MOSPD1: variants seen among roughly 807,000 people sequenced by gnomAD.
MOSPD1 encodes motile sperm domain-containing protein 1.
In MOSPD1, 5 loss-of-function variants were observed where a neutral mutation model predicts 16.7. That is an observed-to-expected ratio of 0.30 (90% CI 0.16 to 0.63). MOSPD1 has a LOEUF of 0.63. Among genes scored for constraint, MOSPD1 ranks in the 30% least tolerant of loss-of-function variants. The pLI, the probability that MOSPD1 is intolerant of heterozygous loss-of-function variation, is 0.82. For synonymous variants in MOSPD1, 67 were observed against 59.2 expected (o/e 1.13, Z -0.61); for missense variants, 104 against 153.6 (o/e 0.68, Z 1.71).
chrX:134,904,995 T>A (rs2082933938), intron 1 of MOSPD1, among the ~76,000 whole-genome samples: 1 of 111,536 alleles, frequency 9.0e-6, no homozygotes, highest in Non-Finnish European at 1.9e-5. Context: ...TGGACTGATC[T>A]TCAAGTGGTA....
intron 1 of MOSPD1, among the ~76,000 whole-genome samples, chrX:134,914,966 C>A (rs2082990676): frequency 8.9e-6 from 1 of 112,657 alleles, no homozygotes; most frequent in Non-Finnish European, 1.9e-5. Context: ...GGCGGCGGAG[C>A]CACCGCCAGT....
At chrX:134,897,600 T>C (rs1230936146) in intron 3 of MOSPD1, among the ~76,000 whole-genome samples, 1 of 73,777 alleles carries the variant, frequency 1.4e-5, no homozygotes, top group East Asian at 8.6e-4. Context: ...AGCAATCACA[T>C]TTTTTTTTTT....
At chrX:134,911,539 T>C (rs1166632383) in intron 1 of MOSPD1, among the ~76,000 whole-genome samples, 2 of 112,450 alleles carry the variant, frequency 1.8e-5, no homozygotes, top group Admixed American at 9.5e-5. Flanking sequence ...AGCAAGTTCT[T>C]TGTGTTTCCA....
chrX:134,889,664 C>T (rs927175785), intron 5 of MOSPD1, among the ~76,000 whole-genome samples: 1 of 104,727 alleles, frequency 9.5e-6, no homozygotes, highest in African/African-American at 3.4e-5. Context: ...TATGCTCAGT[C>T]CTAAATGAAG....
intron 1 of MOSPD1, among the ~76,000 whole-genome samples, chrX:134,906,109 A>C (rs1455037679): frequency 9.2e-6 from 1 of 109,260 alleles, no homozygotes; most frequent in Non-Finnish European, 1.9e-5. Context: ...ACTATAAAAG[A>C]AGTGTTTAAT....
chrX:134,909,684 C>T (rs896420742), intron 1 of MOSPD1, among the ~76,000 whole-genome samples: 2 of 112,247 alleles, frequency 1.8e-5, no homozygotes, highest in African/African-American at 6.5e-5. Context: ...TTTTTAATTG[C>T]TGGCATTTTC....
intron 1 of MOSPD1, among the ~76,000 whole-genome samples, chrX:134,902,143 C>T (rs1191238391): frequency 9.0e-6 from 1 of 111,188 alleles, no homozygotes; most frequent in African/African-American, 3.3e-5. Context: ...CATGGTGGCT[C>T]ACGCCTGTAA....
At chrX:134,902,391 A>G (rs1436663260) in intron 1 of MOSPD1, among the ~76,000 whole-genome samples, 2 of 46,461 alleles carry the variant, frequency 4.3e-5, no homozygotes, top group Non-Finnish European at 8.8e-5. Context: ...ATTCCGTCTC[A>G]TAAATAAATA....
chrX:134,900,380 C>A (rs1348350875), intron 1 of MOSPD1, among the ~76,000 whole-genome samples: 1 of 112,047 alleles, frequency 8.9e-6, no homozygotes, highest in East Asian at 2.8e-4. Flanking sequence ...TGGGAGAGTT[C>A]TTTTAATCTT....
chrX:134,908,463 C>T lies in MOSPD1; in HGVS notation c.-102+6719G>A, dbSNP rs897284284. 2.7e-5 allele frequency among the ~76,000 whole-genome samples: 3 copies of T among 111,542 alleles called. No homozygotes were observed. In the Admixed American group the frequency reaches 2.9e-4, roughly 11 times the overall value. On this transcript the variant is annotated intron_variant, in intron 1 of 5. Coordinates refer to ENST00000370783, the MANE Select transcript of MOSPD1 (RefSeq NM_019556.3). ...CTCTCTTCCCCTCTTCTCCCCTCCC[C>T]TCCTTCTGTTTCCCTCTGATTTTCC...
At chrX:134,903,538 G>A (rs775099988) in intron 1 of MOSPD1, among the ~76,000 whole-genome samples, 5 of 106,211 alleles carry the variant, frequency 4.7e-5, no homozygotes, top group East Asian at 6.0e-4. Context: ...ATGGTGAAAC[G>A]CCGTCTCTAT....
At chrX:134,907,510 T>C (rs775500226) in intron 1 of MOSPD1, among the ~76,000 whole-genome samples, 1 of 112,512 alleles carries the variant, frequency 8.9e-6, no homozygotes, top group South Asian at 3.7e-4. Context: ...TAATGAAGGT[T>C]TGCTGCATTC....
chrX:134,889,068 G>T lies in MOSPD1; in HGVS notation c.*93C>A. ...ATTATTTGAAATCATTCAATAGTTT[G>T]TTGCATGTTAATGGAGTGAAATAGA... On this transcript the variant is annotated 3_prime_UTR_variant, in exon 6 of 6. Transcript: ENST00000370783. 1.9e-6 allele frequency: 1 copy of T among 530,171 alleles called. No individual in the cohort carries two copies. Among genetic ancestry groups the T allele is most frequent in the Non-Finnish European group, 3.0e-6 (1 of 331,025 alleles). The allele number at this position is 530,171 out of a possible 1,213,427, so 43.7% of individuals were successfully genotyped here. A position where few individuals can be genotyped will look rare whatever the true frequency, so the allele number is the denominator to read the frequency against.
intron 4 of MOSPD1, among the ~76,000 whole-genome samples, chrX:134,895,238 T>C (rs1482984340): frequency 9.1e-6 from 1 of 110,000 alleles, no homozygotes; most frequent in African/African-American, 3.3e-5. Flanking sequence ...GGCAGGAGGA[T>C]TACTTGAATC....
intron 1 of MOSPD1, among the ~76,000 whole-genome samples, chrX:134,905,506 C>T (rs1603257082): frequency 1.8e-5 from 2 of 109,115 alleles, no homozygotes; most frequent in Admixed American, 2.0e-4. Context: ...TCTGGATATC[C>T]TTTTGTATCT....
intron 1 of MOSPD1, among the ~76,000 whole-genome samples, chrX:134,906,482 C>T (rs2082943988): frequency 9.1e-6 from 1 of 109,976 alleles, no homozygotes; most frequent in African/African-American, 3.3e-5. Context: ...CCGCGCCCAG[C>T]TTATCTTGGC....
chrX:134,896,036 A>T (rs2082883428), intron 4 of MOSPD1, among the ~76,000 whole-genome samples: 1 of 111,509 alleles, frequency 9.0e-6, no homozygotes, highest in African/African-American at 3.3e-5. Context: ...AAAATGTTGC[A>T]ATTTCAAGGA....
intron 4 of MOSPD1, among the ~76,000 whole-genome samples, chrX:134,893,643 T>C (rs2082872616): frequency 9.0e-6 from 1 of 111,546 alleles, no homozygotes; most frequent in Non-Finnish European, 1.9e-5. Flanking sequence ...CATATAAACA[T>C]GTAGAAGAAT....
chrX:134,913,636 T>G (rs762124450), intron 1 of MOSPD1, among the ~76,000 whole-genome samples: 7 of 111,930 alleles, frequency 6.3e-5, no homozygotes, highest in Non-Finnish European at 1.1e-4. Context: ...TTACAAGCTA[T>G]TTGTTCTATT....
Sources: gnomAD v4.1 joint callset for allele counts (sites outside exome capture counted in the v4.1 genomes callset) on GRCh38, gnomAD v4.1.1 for gene constraint, MANE v1.5 for transcripts, NCBI Gene and HGNC (gene_info 2026-07-23, HGNC 2026-07-21) for gene names.